NOX4: variants seen among roughly 807,000 people sequenced by gnomAD.
NOX4 encodes the protein NADPH oxidase 4.
A neutral mutation model predicts 87.6 loss-of-function variants in NOX4; 69 were observed. That is an observed-to-expected ratio of 0.79 (90% confidence interval 0.65 to 0.96). The LOEUF (loss-of-function observed/expected upper bound fraction) is 0.96. NOX4 is among the 40% of genes least tolerant of loss of function. The probability of loss-of-function intolerance (pLI) is 0.00; values close to 1 mark genes in which losing one functional copy is unlikely to be tolerated. For missense variants in NOX4, 680 were observed against 681.5 expected (o/e 1.00, Z 0.02); for synonymous variants, 275 against 238.2 (o/e 1.15, Z -1.42).
intron 2 of NOX4, among the ~76,000 whole-genome samples, chr11:89,458,574 AG>A (rs570692322): frequency 2.1e-4 from 32 of 152,240 alleles, no homozygotes; most frequent in Non-Finnish European, 4.1e-4. Context: ...CCTAGTACAC[AG>A]ATTCTGTGAG....
At chr11:89,469,446 A>G (rs1248033245) in intron 2 of NOX4, among the ~76,000 whole-genome samples, 1 of 152,194 alleles carries the variant, frequency 6.6e-6, no homozygotes, top group Non-Finnish European at 1.5e-5. Context: ...GCTCATTGTG[A>G]TCAATTTTAT....
rs1194765411 is a variant in NOX4, at chr11:89,335,883, C to A, written c.1578G>T (p.Trp526Cys). The change falls in exon 17 of 18, where the codon TGG (tryptophan) becomes TGT (cysteine). Residue 526 changes from tryptophan (W) to cysteine (C), a missense_variant. Physicochemically the swap from Trp to Cys is radical, Grantham distance 215. Transcript: ENST00000263317. The part of the protein sequence containing the change: ...NSRLFIGRPR[W>C]KLLFDEIAKY... The stretch of plus-strand genomic sequence containing the variant: ...TTGCTATTTCATCAAACAAAAGTTT[C>A]CACCGAGGACGTCCTATAAACAGTC... 2.5e-6 allele frequency: 4 copies of A among 1,600,814 alleles called. No homozygotes were observed. Among genetic ancestry groups the A allele is most frequent in the Non-Finnish European group, 2.6e-6 (3 of 1,173,456 alleles).
At chr11:89,541,422 CA>C in the NOX4 span, among the ~76,000 whole-genome samples, 1 of 152,174 alleles carries the variant, frequency 6.6e-6, no homozygotes, top group Non-Finnish European at 1.5e-5. Flanking sequence ...TCTCTTCCAA[CA>C]ACCAGGTCTC....
intron 2 of NOX4, among the ~76,000 whole-genome samples, chr11:89,461,443 G>T (rs1286618477): frequency 6.6e-6 from 1 of 151,890 alleles, no homozygotes; most frequent in Non-Finnish European, 1.5e-5. Flanking sequence ...AGGAGATCGA[G>T]ACCATCCTGG....
chr11:89,510,056 C>A, the NOX4 span, among the ~76,000 whole-genome samples: 6 of 151,978 alleles, frequency 3.9e-5, no homozygotes, highest in Non-Finnish European at 8.8e-5. Flanking sequence ...TCTGTGGATT[C>A]TTTCGAAAAA....
chr11:89,575,789 CTTCA>C, the NOX4 span, among the ~76,000 whole-genome samples: 1 of 151,660 alleles, frequency 6.6e-6, no homozygotes, highest in Non-Finnish European at 1.5e-5. Flanking sequence ...TCTCTTCCTA[CTTCA>C]TTTATTTTTA....
At chr11:89,542,090 C>A in the NOX4 span, among the ~76,000 whole-genome samples, 2 of 152,190 alleles carry the variant, frequency 1.3e-5, no homozygotes, top group African/African-American at 4.8e-5. Flanking sequence ...GGATTACAGG[C>A]ATGAGCCACC....
the NOX4 span, among the ~76,000 whole-genome samples, chr11:89,529,251 G>A: frequency 3.3e-5 from 5 of 152,062 alleles, no homozygotes; most frequent in African/African-American, 1.2e-4. Context: ...TCCTTTTCAG[G>A]GGTTTTTGCA....
chr11:89,431,914 C>T (rs934577662), intron 7 of NOX4, among the ~76,000 whole-genome samples: 29 of 152,138 alleles, frequency 1.9e-4, no homozygotes, highest in Admixed American at 5.2e-4. Context: ...ATGTTTATTG[C>T]GGCACTATTC....
chr11:89,489,580 T>G (rs987808291), intron 2 of NOX4, among the ~76,000 whole-genome samples: 1 of 151,734 alleles, frequency 6.6e-6, no homozygotes, highest in African/African-American at 2.4e-5. Context: ...ATACAAAAAT[T>G]AGCCAGGTGT....
chr11:89,432,488 G>C (rs73535406), intron 7 of NOX4, among the ~76,000 whole-genome samples: 3 of 151,806 alleles, frequency 2.0e-5, no homozygotes, highest in Non-Finnish European at 2.9e-5. Context: ...TTTCAATCCC[G>C]TGTCCCATAG....
chr11:89,506,294 A>AG, the NOX4 span, among the ~76,000 whole-genome samples: 1 of 83,076 alleles, frequency 1.2e-5, no homozygotes, highest in Non-Finnish European at 2.7e-5. Context: ...GAAGAAAGAA[A>AG]GAAAGAAAGA....
rs1332730104 is a variant in NOX4 at position 89,439,008 on chromosome 11, ATAT to A, written c.475+1677_475+1679del. ...TTATATTATTAATATAATATTAGTA[ATAT>A]TAGTATAATCATAATAGTGCTAATA... On this transcript the variant is annotated intron_variant, in intron 6 of 17. Coordinates refer to ENST00000263317, the MANE Select transcript of NOX4 (RefSeq NM_016931.5). Among the ~76,000 whole-genome samples the A allele has an allele frequency of 4.5e-5, 5 of 112,236 alleles. No individual in the cohort carries two copies. The East Asian group carries it at 9.9e-4, about 22-fold the overall frequency. The allele number at this position is 112,236 out of a possible 152,430, so 73.6% of individuals were successfully genotyped here. A position where few individuals can be genotyped will look rare whatever the true frequency, so the allele number is the denominator to read the frequency against.
At chr11:89,345,102 T>G (rs542043787) in intron 13 of NOX4, among the ~76,000 whole-genome samples, 1 of 152,258 alleles carries the variant, frequency 6.6e-6, no homozygotes, top group African/African-American at 2.4e-5. Context: ...CCCATGATGG[T>G]TCTCCCTTGA....
At chr11:89,480,247 T>G (rs1946337141) in intron 2 of NOX4, among the ~76,000 whole-genome samples, 1 of 152,172 alleles carries the variant, frequency 6.6e-6, no homozygotes, top group Admixed American at 6.6e-5. Context: ...CTGCCATTTT[T>G]TTTGGCATGA....
intron 17 of NOX4, among the ~76,000 whole-genome samples, chr11:89,333,371 A>G (rs747007189): frequency 6.6e-6 from 1 of 151,778 alleles, no homozygotes; most frequent in Non-Finnish European, 1.5e-5. Flanking sequence ...GATTTTAAAT[A>G]TATATCACAC....
chr11:89,450,196 C>G (rs1944896771), intron 3 of NOX4, among the ~76,000 whole-genome samples: 1 of 152,098 alleles, frequency 6.6e-6, no homozygotes, highest in Non-Finnish European at 1.5e-5. Context: ...GGGATCAAAA[C>G]CTAGCAGTTT....
intron 7 of NOX4, 66 bp downstream of exon 7, chr11:89,432,718 A>T (rs1943869355): frequency 8.7e-7 from 1 of 1,151,720 alleles, no homozygotes; most frequent in Admixed American, 1.8e-5. Flanking sequence ...AAACATTTTG[A>T]TTACTCAAGA....
At chr11:89,564,580 A>G in the NOX4 span, among the ~76,000 whole-genome samples, 2,405 of 152,222 alleles carry the variant, frequency 0.016, 55 homozygotes, top group African/African-American at 0.051. Context: ...GAGTAGTGAC[A>G]AAGTGGGTAA....
Sources: allele counts gnomAD v4.1 joint callset (sites outside exome capture counted in the v4.1 genomes callset), GRCh38; gene constraint gnomAD v4.1.1; transcripts MANE v1.5; gene names NCBI Gene and HGNC (gene_info 2026-07-23, HGNC 2026-07-21).